LARP4B: variants seen among roughly 807,000 people sequenced by gnomAD.
LARP4B encodes La ribonucleoprotein 4B, also known as la-related protein 4B.
In LARP4B, 12 loss-of-function variants were observed where a neutral mutation model predicts 89.8. That is an observed-to-expected ratio of 0.13 (90% CI 0.09 to 0.22). The LOEUF is 0.22. LARP4B is among the 10% of genes least tolerant of loss of function. LARP4B has a pLI of 1.00. For missense variants in LARP4B, 757 were observed against 947.7 expected (o/e 0.80, Z 2.64); for synonymous variants, 367 against 363.3 (o/e 1.01, Z -0.12).
chr10:858,322 A>T (rs111889834), intron 5 of LARP4B, among the ~76,000 whole-genome samples: 1,868 of 152,332 alleles, frequency 0.012, 15 homozygotes, highest in Non-Finnish European at 0.021. Flanking sequence ...TTCAATAAAT[A>T]GTGCAAGGAC....
At position 842,982 on chromosome 10, in the gene LARP4B, T is replaced by C. The variant is rs760198901; in HGVS notation, c.596A>G (p.His199Arg). The change falls in exon 7 of 18, where the codon CAC (histidine) becomes CGC (arginine). Residue 199 changes from histidine to arginine, a missense_variant. Transcript: ENST00000316157. The part of the protein sequence containing the change: ...VPITTVANLD[H>R]IKKLSTDVDL... ...CACATCAGTGCTGAGCTTCTTGATG[T>C]GGTCGAGGTTAGCCACCGTTGTGAT... 6 of 1,614,208 alleles carry C rather than the reference T, an allele frequency of 3.7e-6. No homozygotes were observed. In the East Asian group the frequency reaches 8.9e-5, roughly 24 times the overall value.
chr10:953,629 C>T, the LARP4B span, among the ~76,000 whole-genome samples: 3 of 151,332 alleles, frequency 2.0e-5, no homozygotes, highest in African/African-American at 7.3e-5. Flanking sequence ...ATCGCACCAG[C>T]CCAGAACCAA....
At chr10:968,327 C>A in the LARP4B span, among the ~76,000 whole-genome samples, 2 of 131,954 alleles carry the variant, frequency 1.5e-5, no homozygotes, top group Admixed American at 8.0e-5. Flanking sequence ...ATGCACCATA[C>A]AAGCAGTTTG....
At chr10:873,856 G>A (rs11813210) in intron 3 of LARP4B, among the ~76,000 whole-genome samples, 24,110 of 152,170 alleles carry the variant, frequency 0.16, 2,071 homozygotes, top group Non-Finnish European at 0.19. Flanking sequence ...GCTTTAAAAT[G>A]CCCTAGCAAA....
chr10:965,234 G>A, the LARP4B span, among the ~76,000 whole-genome samples: 3 of 152,356 alleles, frequency 2.0e-5, no homozygotes, highest in Admixed American at 1.3e-4. Flanking sequence ...GGCCCCGCTC[G>A]GCTGTCGGCG....
chr10:957,318 A>C, the LARP4B span, among the ~76,000 whole-genome samples: 2 of 152,102 alleles, frequency 1.3e-5, no homozygotes, highest in Non-Finnish European at 2.9e-5. Context: ...GTGTGCCATC[A>C]CACTCGGCTG....
intron 4 of LARP4B, 31 bp from the exon 5 acceptor site, chr10:863,914 G>C: frequency 4.4e-6 from 7 of 1,594,692 alleles, no homozygotes; most frequent in Non-Finnish European, 6.0e-6. Context: ...CAAAAAGGCA[G>C]GGTTAGAAGC....
chr10:983,935 T>C, the LARP4B span, among the ~76,000 whole-genome samples: 1 of 152,226 alleles, frequency 6.6e-6, no homozygotes, highest in Non-Finnish European at 1.5e-5. Context: ...TGTTTTTAAT[T>C]AAAAATAATA....
chr10:964,848 G>A, the LARP4B span, among the ~76,000 whole-genome samples: 1 of 152,206 alleles, frequency 6.6e-6, no homozygotes, highest in African/African-American at 2.4e-5. Flanking sequence ...GACAGCTCAG[G>A]ACAGCACAGA....
intron 8 of LARP4B, among the ~76,000 whole-genome samples, chr10:833,249 T>TTA (rs1833001624): frequency 1.9e-5 from 1 of 52,038 alleles, no homozygotes. Flanking sequence ...TGATGAGCTT[T>TTA]AAAAAAAAAA....
At chr10:823,336 C>A (rs553531114) in intron 13 of LARP4B, among the ~76,000 whole-genome samples, 1 of 152,210 alleles carries the variant, frequency 6.6e-6, no homozygotes, top group Admixed American at 6.5e-5. Context: ...GAGAGAGGGT[C>A]TCCATTGGTG....
At chr10:934,879 G>A (rs781751814), upstream of LARP4B, among the ~76,000 whole-genome samples, 2 of 152,114 alleles carry the variant, frequency 1.3e-5, no homozygotes, top group African/African-American at 2.4e-5. Flanking sequence ...ATTCAGTGGC[G>A]TCGCGGTTGG....
chr10:951,322 G>A, the LARP4B span, among the ~76,000 whole-genome samples: 2 of 152,102 alleles, frequency 1.3e-5, no homozygotes, highest in African/African-American at 2.4e-5. Context: ...GCTGAGGCAG[G>A]TGGATCACCT....
the LARP4B span, among the ~76,000 whole-genome samples, chr10:940,662 G>A: frequency 6.6e-6 from 1 of 152,230 alleles, no homozygotes; most frequent in Non-Finnish European, 1.5e-5. Flanking sequence ...AATAGCACGG[G>A]CATTTGTGGG....
the LARP4B span, among the ~76,000 whole-genome samples, chr10:981,633 C>T: frequency 3.3e-5 from 5 of 152,106 alleles, no homozygotes; most frequent in Non-Finnish European, 7.4e-5. Context: ...TGCAGTGGTA[C>T]GATCTCGGCT....
chr10:930,537 G>A (rs1837268258), intron 1 of LARP4B, among the ~76,000 whole-genome samples: 1 of 152,130 alleles, frequency 6.6e-6, no homozygotes, highest in South Asian at 2.1e-4. Flanking sequence ...AAGGGGAAAA[G>A]CAAAATTACA....
intron 5 of LARP4B, among the ~76,000 whole-genome samples, chr10:862,510 T>C (rs1026021054): frequency 6.6e-5 from 10 of 151,856 alleles, no homozygotes; most frequent in Non-Finnish European, 1.3e-4. Context: ...GTAATAAAAA[T>C]GAAAACATGA....
At chr10:971,265 CTT>C in the LARP4B span, 6 of 152,064 alleles carry the variant, frequency 3.9e-5, no homozygotes, top group African/African-American at 9.7e-5. Flanking sequence ...TTTTGTCACT[CTT>C]AGGTGAATTA....
downstream of LARP4B, chr10:808,735 G>GTGTA (rs1831633788): frequency 6.6e-6 from 1 of 150,624 alleles, no homozygotes. Flanking sequence ...GTGTGTGTGT[G>GTGTA]TGTGTGCGTG....
Sources: allele counts gnomAD v4.1 joint callset (sites outside exome capture counted in the v4.1 genomes callset), GRCh38; gene constraint gnomAD v4.1.1; transcripts MANE v1.5; gene names NCBI Gene and HGNC (gene_info 2026-07-23, HGNC 2026-07-21).